DRAM2: variants seen among roughly 807,000 people sequenced by gnomAD.
DRAM2 encodes the protein DNA damage-regulated autophagy modulator protein 2.
DRAM2 carries 26 observed loss-of-function variants against 33.5 expected under a neutral mutation model. That is an observed-to-expected ratio of 0.78 (90% confidence interval 0.57 to 1.08). The LOEUF (loss-of-function observed/expected upper bound fraction) is 1.08. Among genes scored for constraint, DRAM2 ranks in the 50% least tolerant of loss-of-function variants. The pLI is 0.00. For missense variants in DRAM2, 311 were observed against 318.1 expected, an observed-to-expected ratio of 0.98 and a Z score of 0.17; for synonymous variants, 98 against 109.5, an observed-to-expected ratio of 0.89 and a Z score of 0.66.
rs376383419 is a variant in DRAM2 at position 111,120,718 on chromosome 1, G to A, written c.340-25C>T. The A allele has an allele frequency of 3.0e-5, 43 of 1,454,878 alleles. No individual in the cohort carries two copies. The Middle Eastern group carries it at 5.5e-4, about 19-fold the overall frequency. The allele number at this position is 1,454,878 out of a possible 1,614,324, so 90.1% of individuals were successfully genotyped here. On this transcript the variant is annotated intron_variant, in intron 6 of 9. Transcript: ENST00000484310. ...TCTGAGAGATAGAGAGAAGAAATAC[G>A]TCAATAAAAGAAACTCAGAACACAT...
chr1:111,137,116 G>C (rs933351430), intron 3 of DRAM2, among the ~76,000 whole-genome samples: 4 of 151,980 alleles, frequency 2.6e-5, no homozygotes, highest in African/African-American at 9.7e-5. Flanking sequence ...AGCCGGGCGA[G>C]GTGGTGGGCG....
chr1:111,139,961 C>T (rs1218267221), intron 1 of DRAM2, 77 bp downstream of exon 1: 4 of 152,478 alleles, frequency 2.6e-5, no homozygotes, highest in African/African-American at 9.7e-5. Flanking sequence ...TGCCAGATCC[C>T]ACCCTCTGAC....
chr1:111,132,342 G>A (rs1415308411), intron 3 of DRAM2, among the ~76,000 whole-genome samples: 1 of 152,190 alleles, frequency 6.6e-6, no homozygotes, highest in Non-Finnish European at 1.5e-5. Flanking sequence ...GTAAATATAA[G>A]CATTTCCCTG....
At chr1:111,119,989 C>G in intron 7 of DRAM2, 30 bp from the exon 8 acceptor site, 2 of 1,574,958 alleles carry the variant, frequency 1.3e-6, no homozygotes, top group Non-Finnish European at 1.7e-6. Flanking sequence ...GGAAGAATCT[C>G]AGAGACGATC....
At chr1:111,123,684 A>G (rs1650450379) in intron 6 of DRAM2, among the ~76,000 whole-genome samples, 1 of 152,144 alleles carries the variant, frequency 6.6e-6, no homozygotes, top group Admixed American at 6.5e-5. Flanking sequence ...ATGGGGCCTA[A>G]TGGCAGGTGT....
At position 111,124,896 on chromosome 1, in the gene DRAM2, T is replaced by C. The variant is rs1188811844; in HGVS notation, c.200-15A>G. 1 of 1,606,210 alleles carries C rather than the reference T, an allele frequency of 6.2e-7. No individual in the cohort carries two copies. The highest frequency in any genetic ancestry group is 8.5e-7 in the Non-Finnish European group (1 of 1,177,408). ...GGTAGCAATGCCTGGGAAAAGATAA[T>C]CCAAAAAACAACAAAGTAATAAATA... On this transcript the variant is annotated splice_polypyrimidine_tract_variant and intron_variant, in intron 5 of 9. Transcript: ENST00000484310.
Position 111,131,533 on chromosome 1 carries a change from G to T in DRAM2, c.22C>A (p.Leu8Ile). The change falls in exon 4 of 10, where the codon CTC (leucine) becomes ATC (isoleucine). Residue 8 changes from leucine to isoleucine, a missense_variant. By Grantham distance (5) the Leu-to-Ile change is conservative (BLOSUM62 2). Transcript: ENST00000484310. ...ACAAGGGCTGAAGGAAGGAAACTGAGGCCTTGCTGAAACCACCACATTTCT... is the reference window on the plus strand; with the variant it reads ...ACAAGGGCTGAAGGAAGGAAACTGATGCCTTGCTGAAACCACCACATTTCT... MWWFQQGLSFLPSALVIW... is the reference protein window; with the variant it reads MWWFQQGISFLPSALVIW... 6.2e-7 allele frequency: 1 copy of T among 1,613,984 alleles called. No homozygotes were observed. The highest frequency in any genetic ancestry group is 1.1e-5 in the South Asian group (1 of 91,074).
intron 8 of DRAM2, 21 bp from the exon 9 acceptor site, chr1:111,118,918 A>C (rs369454381): frequency 2.6e-6 from 4 of 1,546,936 alleles, no homozygotes; most frequent in Non-Finnish European, 3.5e-6. Context: ...GGAAAAAAAG[A>C]ATAGTTTTGT....
intron 7 of DRAM2, among the ~76,000 whole-genome samples, chr1:111,120,315 T>C (rs1467003825): frequency 7.4e-6 from 1 of 135,750 alleles, no homozygotes; most frequent in Non-Finnish European, 1.5e-5. Context: ...TGAGGCACTA[T>C]GTACAATCTG....
At chr1:111,136,777 A>C (rs1419334513) in intron 3 of DRAM2, among the ~76,000 whole-genome samples, 1 of 152,198 alleles carries the variant, frequency 6.6e-6, no homozygotes, top group Non-Finnish European at 1.5e-5. Flanking sequence ...ACGTGTCACC[A>C]TCCTGGCCAA....
At chr1:111,118,403 C>T (rs1029285329) in intron 9 of DRAM2, 136 bp from the exon 10 acceptor site, 5 of 619,792 alleles carry the variant, frequency 8.1e-6, no homozygotes, top group Non-Finnish European at 1.4e-5. Context: ...GTTTTACTGT[C>T]AAAGGTATCC....
chr1:111,138,159 A>G (rs777407868), intron 2 of DRAM2, among the ~76,000 whole-genome samples: 1 of 152,238 alleles, frequency 6.6e-6, no homozygotes, highest in Non-Finnish European at 1.5e-5. Context: ...ATGGAGTACA[A>G]CTTTATGTAT....
rs1216716437 is a variant in DRAM2, at chr1:111,118,080, A to T, written c.*80T>A. 1.5e-6 allele frequency: 2 copies of T among 1,363,446 alleles called. No individual in the cohort carries two copies. Among genetic ancestry groups the T allele is most frequent in the East Asian group, 4.6e-5 (2 of 43,524 alleles). The allele number at this position is 1,363,446 out of a possible 1,614,324, so 84.5% of individuals were successfully genotyped here. On this transcript the variant is annotated 3_prime_UTR_variant, in exon 10 of 10. Transcript: ENST00000484310. ...CCTTGATTAAGTGGTTGAAAATTTC[A>T]GAGAAGAATAAGCAACTTCTGTGAA...
In DRAM2 at chr1:111,133,178, CT is replaced by C. The variant is rs35385263; in HGVS notation, c.-14-1611del. Among the ~76,000 whole-genome samples, 1,038 of 134,526 alleles carry C rather than the reference CT, an allele frequency of 7.7e-3. 1 individual carries two copies. The highest frequency in any genetic ancestry group is 9.0e-3 in the Admixed American group (121 of 13,378). 88.3% of individuals were successfully genotyped at this position (134,526 alleles called of 152,430 possible). ...CTTGCATTGTCTTGTCTTTACTTACCTTTTTTTTTTTTTTTTTGAGACAGAG... is the reference window on the plus strand; with the variant it reads ...CTTGCATTGTCTTGTCTTTACTTACCTTTTTTTTTTTTTTTTGAGACAGAG... On this transcript the variant is annotated intron_variant, in intron 3 of 9. Coordinates refer to ENST00000484310, the MANE Select transcript of DRAM2 (RefSeq NM_001349884.2).
In DRAM2 at chr1:111,134,845, A is replaced by C. The variant is rs370691003; in HGVS notation, c.-15+2678T>G. Among the ~76,000 whole-genome samples, 19 of 152,146 alleles carry C rather than the reference A, an allele frequency of 1.2e-4. No homozygotes were observed. In the East Asian group the frequency reaches 3.3e-3, roughly 26 times the overall value. ...GGCTTAACTAAGGGTGAGTCATTACAGAGAGGATCCGTATTTGTTTTTTCC... is the reference window on the plus strand; with the variant it reads ...GGCTTAACTAAGGGTGAGTCATTACCGAGAGGATCCGTATTTGTTTTTTCC... On this transcript the variant is annotated intron_variant, in intron 3 of 9. Coordinates refer to ENST00000484310, the MANE Select transcript of DRAM2 (RefSeq NM_001349884.2).
chr1:111,120,541 G>A lies in DRAM2; in HGVS notation c.492C>T (p.Ile164=), dbSNP rs1370637192. The change falls in exon 7 of 10, where the codon ATC becomes ATT. Residue 164 remains isoleucine (I), a synonymous_variant. Transcript: ENST00000484310. Reference sequence around the variant, plus strand: ...TGCTAAGTGCACTTACTCCACACCAGATAACCAACAACAGTCTGATCCAGA... The same window carrying A: ...TGCTAAGTGCACTTACTCCACACCAAATAACCAACAACAGTCTGATCCAGA... The part of the protein sequence containing the change: ...QVFWIRLLLV[I]WCGVSALSML... 4 of 1,609,670 alleles carry A rather than the reference G, an allele frequency of 2.5e-6. No individual in the cohort carries two copies. In the East Asian group the frequency reaches 6.7e-5, roughly 27 times the overall value.
In DRAM2 at chr1:111,131,407, GA is replaced by G. The variant is rs773209239; in HGVS notation, c.131+16del. 1 of 1,608,252 alleles carries G rather than the reference GA, an allele frequency of 6.2e-7. No homozygotes were observed. Among genetic ancestry groups the G allele is most frequent in the East Asian group, 2.2e-5 (1 of 44,824 alleles). ...AGACATAAAGAGTCTCCTATACAAA[GA>G]ATACATTTCACTTACCTGATATAAG... On this transcript the variant is annotated intron_variant, in intron 4 of 9. Transcript: ENST00000484310.
intron 4 of DRAM2, among the ~76,000 whole-genome samples, chr1:111,128,460 A>G (rs1003892679): frequency 6.6e-6 from 1 of 152,128 alleles, no homozygotes; most frequent in Non-Finnish European, 1.5e-5. Context: ...CAAGGAAGTG[A>G]AACTCAGAAA....
At chr1:111,135,417 T>G (rs1228499317) in intron 3 of DRAM2, among the ~76,000 whole-genome samples, 1 of 152,224 alleles carries the variant, frequency 6.6e-6, no homozygotes, top group Non-Finnish European at 1.5e-5. Flanking sequence ...ACACTGCTAG[T>G]ATACTACTCT....
Sources: gnomAD v4.1 joint callset for allele counts (sites outside exome capture counted in the v4.1 genomes callset) on GRCh38, gnomAD v4.1.1 for gene constraint, MANE v1.5 for transcripts, NCBI Gene and HGNC (gene_info 2026-07-23, HGNC 2026-07-21) for gene names.